RSF1: variants seen among roughly 807,000 people sequenced by gnomAD.
The protein encoded by RSF1 is remodeling and spacing factor 1.
In RSF1, 13 loss-of-function variants were observed where a neutral mutation model predicts 145.2. The ratio of observed to expected loss-of-function variants is 0.09; its 90% confidence interval spans 0.06 to 0.14. RSF1 has a LOEUF of 0.14. RSF1 is among the 10% of genes least tolerant of loss of function. The pLI, the probability that RSF1 is intolerant of heterozygous loss-of-function variation, is 1.00. For missense variants in RSF1, 1,517 were observed against 1,718.2 expected, an observed-to-expected ratio of 0.88 and a Z score of 2.07; for synonymous variants, 577 against 592.6, an observed-to-expected ratio of 0.97 and a Z score of 0.38.
chr11:77,754,148 T>C (rs1043685028), intron 2 of RSF1, among the ~76,000 whole-genome samples: 1 of 152,160 alleles, frequency 6.6e-6, no homozygotes, highest in African/African-American at 2.4e-5. Context: ...AGTTCTACCA[T>C]CATGATGGAG....
chr11:77,727,677 A>C (rs1381462572), intron 4 of RSF1, among the ~76,000 whole-genome samples: 3 of 151,614 alleles, frequency 2.0e-5, no homozygotes, highest in African/African-American at 7.3e-5. Context: ...ATGAGGTTTC[A>C]CCATGTTGGT....
chr11:77,843,268 C>A, the RSF1 span, among the ~76,000 whole-genome samples: 1 of 152,160 alleles, frequency 6.6e-6, no homozygotes, highest in Non-Finnish European at 1.5e-5. Flanking sequence ...CATTTCCCTG[C>A]ATTTCCTCAA....
At chr11:77,870,329 ATTTTTTT>A in the RSF1 span, among the ~76,000 whole-genome samples, 20 of 87,980 alleles carry the variant, frequency 2.3e-4, no homozygotes, top group African/African-American at 6.4e-4. Flanking sequence ...CTATTTTTTA[ATTTTTTT>A]TTTTTTTTTT....
chr11:77,725,508 TACAAA>T, intron 5 of RSF1, 32 bp downstream of exon 5: 1 of 1,480,758 alleles, frequency 6.8e-7, no homozygotes, highest in Non-Finnish European at 9.0e-7. Flanking sequence ...TGGAAGAGAT[TACAAA>T]ACAAAGCAAA....
chr11:77,753,605 C>T (rs188001845), intron 2 of RSF1, among the ~76,000 whole-genome samples: 24 of 152,262 alleles, frequency 1.6e-4, no homozygotes, highest in African/African-American at 5.5e-4. Context: ...AAAAGCACAT[C>T]AGCTATCATT....
chr11:77,817,593 T>C (rs1457442308), intron 1 of RSF1, among the ~76,000 whole-genome samples: 1 of 152,202 alleles, frequency 6.6e-6, no homozygotes, highest in Non-Finnish European at 1.5e-5. Flanking sequence ...GAAACCATGA[T>C]ACTATGGCAA....
chr11:77,724,348 CAT>C (rs1203554418), intron 5 of RSF1, among the ~76,000 whole-genome samples: 1 of 152,074 alleles, frequency 6.6e-6, no homozygotes, highest in Non-Finnish European at 1.5e-5. Context: ...ACAGAATTAC[CAT>C]ATATGATCCA....
At chr11:77,778,801 T>C (rs889909742) in intron 1 of RSF1, among the ~76,000 whole-genome samples, 9 of 152,256 alleles carry the variant, frequency 5.9e-5, no homozygotes, top group Admixed American at 2.6e-4. Context: ...TTCTGATTTA[T>C]CTTCTCTCTC....
At chr11:77,839,549 G>A in the RSF1 span, among the ~76,000 whole-genome samples, 1 of 152,112 alleles carries the variant, frequency 6.6e-6, no homozygotes. Context: ...GTTTACAATA[G>A]CGAAGACATG....
chr11:77,682,423 C>T (rs762448002), intron 11 of RSF1, among the ~76,000 whole-genome samples: 29 of 152,108 alleles, frequency 1.9e-4, no homozygotes, highest in Non-Finnish European at 3.2e-4. Flanking sequence ...TCTAAAATAA[C>T]TAAAATATAA....
intron 4 of RSF1, among the ~76,000 whole-genome samples, chr11:77,735,611 G>T (rs1403337500): frequency 6.6e-6 from 1 of 151,858 alleles, no homozygotes; most frequent in East Asian, 1.9e-4. Flanking sequence ...AAAACAAGAA[G>T]CTTTTAATTT....
chr11:77,779,440 T>A (rs941783327), intron 1 of RSF1, among the ~76,000 whole-genome samples: 4 of 151,410 alleles, frequency 2.6e-5, no homozygotes, highest in Non-Finnish European at 5.9e-5. Context: ...TGGAGTGCAA[T>A]GGCGCGATCT....
At position 77,664,962 on chromosome 11, in the gene RSF1, G is replaced by A. The variant is rs555391818; in HGVS notation, c.*1955C>T. On this transcript the variant is annotated 3_prime_UTR_variant, in exon 16 of 16. Coordinates refer to ENST00000308488, the MANE Select transcript of RSF1 (RefSeq NM_016578.4). Reference sequence around the variant, plus strand: ...TGCTATTGGTGCATCCTATTTTTAGGTTGCTTTCATTATTTTATTTTTTAT... The same window carrying A: ...TGCTATTGGTGCATCCTATTTTTAGATTGCTTTCATTATTTTATTTTTTAT... 7.2e-5 allele frequency: 11 copies of A among 152,198 alleles called. No homozygotes were observed. The highest frequency in any genetic ancestry group is 2.6e-4 in the African/African-American group (11 of 41,528). The allele number at this position is 152,198 out of a possible 1,614,324, so 9.4% of individuals were successfully genotyped here. A position where few individuals can be genotyped will look rare whatever the true frequency, so the allele number is the denominator to read the frequency against.
At chr11:77,816,257 T>C (rs1225883163) in intron 1 of RSF1, among the ~76,000 whole-genome samples, 1 of 152,206 alleles carries the variant, frequency 6.6e-6, no homozygotes, top group African/African-American at 2.4e-5. Flanking sequence ...CTCTAGTACA[T>C]GCACCTGGTA....
At chr11:77,715,088 T>C (rs1389571539) in intron 5 of RSF1, among the ~76,000 whole-genome samples, 2 of 152,208 alleles carry the variant, frequency 1.3e-5, no homozygotes, top group South Asian at 2.1e-4. Flanking sequence ...CATGACACTG[T>C]ATTCTATCCT....
chr11:77,693,971 G>A (rs909887961), intron 7 of RSF1, among the ~76,000 whole-genome samples: 5 of 152,014 alleles, frequency 3.3e-5, no homozygotes, highest in African/African-American at 1.2e-4. Flanking sequence ...TTTTAGTAGA[G>A]ACGGGGTTTC....
upstream of RSF1, among the ~76,000 whole-genome samples, chr11:77,823,139 C>T (rs1357742147): frequency 7.4e-6 from 1 of 134,624 alleles, no homozygotes; most frequent in South Asian, 2.4e-4. Context: ...GGCATGGACC[C>T]GGGAGGCGGA....
intron 1 of RSF1, among the ~76,000 whole-genome samples, chr11:77,799,894 T>TA (rs1392482009): frequency 6.6e-6 from 1 of 152,172 alleles, no homozygotes; most frequent in African/African-American, 2.4e-5. Context: ...GCCAACAAAT[T>TA]AGATAACCTG....
At chr11:77,804,008 C>A (rs988845000) in intron 1 of RSF1, among the ~76,000 whole-genome samples, 5 of 152,150 alleles carry the variant, frequency 3.3e-5, no homozygotes, top group African/African-American at 1.2e-4. Flanking sequence ...GAGCTCAGGG[C>A]TGCAGTGGGC....
Sources: allele counts gnomAD v4.1 joint callset (sites outside exome capture counted in the v4.1 genomes callset), GRCh38; gene constraint gnomAD v4.1.1; transcripts MANE v1.5; gene names NCBI Gene and HGNC (gene_info 2026-07-23, HGNC 2026-07-21).